Variants in MRPL32 observed in about 807,000 individuals in gnomAD.
The protein encoded by MRPL32 is mitochondrial ribosomal protein L32.
Under a neutral mutation model 21.7 loss-of-function variants are expected in MRPL32, and 14 were observed. The observed-to-expected ratio is 0.64, with a 90% CI of 0.43 to 1.01. The LOEUF (loss-of-function observed/expected upper bound fraction) is 1.01. MRPL32 is among the 50% of genes least tolerant of loss of function. MRPL32 has a pLI of 0.00. For synonymous variants in MRPL32, 83 were observed against 87.7 expected (o/e 0.95, Z 0.30); for missense variants, 211 against 235.9 (o/e 0.89, Z 0.69).
chr7:42,932,547 G>T, intron 1 of MRPL32, 31 bp downstream of exon 1: 1 of 1,568,178 alleles, frequency 6.4e-7, no homozygotes, highest in Non-Finnish European at 8.7e-7. Context: ...TGGGAGAGGG[G>T]GCTGATGACG....
intron 1 of MRPL32, among the ~76,000 whole-genome samples, chr7:42,933,155 C>T (rs1786360389): frequency 6.6e-6 from 1 of 152,124 alleles, no homozygotes; most frequent in Non-Finnish European, 1.5e-5. Flanking sequence ...TATGCCCTTT[C>T]CAGGAAATGC....
chr7:42,936,108 G>A (rs546888152), intron 2 of MRPL32: 23 of 152,278 alleles, frequency 1.5e-4, no homozygotes, highest in African/African-American at 5.5e-4. Flanking sequence ...TTGAGTGATG[G>A]TTGGGGCTGA....
Position 42,935,125 on chromosome 7 carries a change from A to C in MRPL32, c.301A>C (p.Ile101Leu). Residue 101 changes from isoleucine (I) to leucine (L), a missense_variant, in exon 2 of 3, where the codon ATT becomes CTT. By Grantham distance (5) the Ile-to-Leu change is conservative. Around this residue, in one of 2 missense-constraint regions of MRPL32, gnomAD observed 130 missense variants for 180.1 expected, o/e 0.72. Transcript: ENST00000223324. ...RCRRRNPQKLIKVKNNIDVCP... is the reference protein window; with the variant it reads ...RCRRRNPQKLLKVKNNIDVCP... ...TAGGAGAAGAAATCCGCAGAAGCTT[A>C]TTAAAGTTAAGGTAATGCATTGATT... 6.2e-7 allele frequency: 1 copy of C among 1,611,054 alleles called. No individual in the cohort carries two copies. Among genetic ancestry groups the C allele is most frequent in the Non-Finnish European group, 8.5e-7 (1 of 1,179,056 alleles).
At chr7:42,934,428 C>G (rs2128675997) in intron 1 of MRPL32, among the ~76,000 whole-genome samples, 1 of 152,090 alleles carries the variant, frequency 6.6e-6, no homozygotes, top group South Asian at 2.1e-4. Flanking sequence ...AGAGAGCAGA[C>G]AGGAATCAAG....
At chr7:42,933,073 C>T (rs1232840050) in intron 1 of MRPL32, among the ~76,000 whole-genome samples, 2 of 152,062 alleles carry the variant, frequency 1.3e-5, no homozygotes, top group Non-Finnish European at 2.9e-5. Context: ...GATTAGATTT[C>T]GAAGGAATGG....
Position 42,933,240 on chromosome 7 carries a change from C to T in MRPL32, c.130+724C>T, listed in dbSNP as rs111749842. ...AGGAAATTTTCCAGGCAGCGTTGAG[C>T]TTTCTCAGGCAGGCACTTTAAAGGG... On this transcript the variant is annotated intron_variant, in intron 1 of 2. Transcript: ENST00000223324. Among the ~76,000 whole-genome samples, 484 of 152,226 alleles carry T rather than the reference C, an allele frequency of 3.2e-3. 7 individuals carry two copies. The highest frequency in any genetic ancestry group is 0.011 in the African/African-American group (465 of 41,540).
At chr7:42,936,624 T>C (rs1786428312) in intron 2 of MRPL32, 1 of 151,016 alleles carries the variant, frequency 6.6e-6, no homozygotes, top group Non-Finnish European at 1.5e-5. Flanking sequence ...ATAAATCTTT[T>C]AGAGGTTATA....
At chr7:42,935,183 T>C (rs745500812) in intron 2 of MRPL32, 47 bp downstream of exon 2, 4 of 1,503,064 alleles carry the variant, frequency 2.7e-6, no homozygotes, top group Non-Finnish European at 1.8e-6. Context: ...AGTCCTCCAT[T>C]GAATAAGCTC....
At chr7:42,934,862 G>A in intron 1 of MRPL32, 93 bp from the exon 2 acceptor site, 1 of 966,730 alleles carries the variant, frequency 1.0e-6, no homozygotes, top group East Asian at 2.6e-5. Context: ...GTGTGTGTAT[G>A]TTTGACCATT....
rs375285399 is a variant in MRPL32, at chr7:42,932,402, C to T, written c.16C>T (p.Leu6=). 7.5e-6 allele frequency: 12 copies of T among 1,609,886 alleles called. No homozygotes were observed. In the East Asian group the frequency reaches 2.2e-4, roughly 30 times the overall value. ...AGCAGGGAAAATGGCGCTGGCCATG[C>T]TGGTCTTGGTGGTTTCGCCGTGGTC... is the stretch of plus-strand genomic sequence containing the variant. MALAM[L]VLVVSPWSAA... Residue 6 remains leucine, a synonymous_variant, in exon 1 of 3, where the codon CTG becomes TTG. Transcript: ENST00000223324.
In MRPL32 at chr7:42,937,678, T is replaced by A; in HGVS notation, c.*102T>A. 1.6e-6 allele frequency: 2 copies of A among 1,213,488 alleles called. No individual in the cohort carries two copies. The highest frequency in any genetic ancestry group is 2.2e-6 in the Non-Finnish European group (2 of 889,718). 75.2% of individuals were successfully genotyped at this position (1,213,488 alleles called of 1,614,324 possible). The stretch of plus-strand genomic sequence containing the variant: ...GCTTGTTTTTAAATCATCAGTATAG[T>A]TTAACACATTCTTTCTAAGCAGTTT... On this transcript the variant is annotated 3_prime_UTR_variant, in exon 3 of 3. Coordinates refer to ENST00000223324, the MANE Select transcript of MRPL32 (RefSeq NM_031903.3).
intron 1 of MRPL32, among the ~76,000 whole-genome samples, chr7:42,933,005 TAGGG>T (rs1786356612): frequency 6.6e-6 from 1 of 152,108 alleles, no homozygotes. Flanking sequence ...GCAGTTGTCT[TAGGG>T]AGAATTCTAT....
chr7:42,934,282 A>G (rs1341674960), intron 1 of MRPL32, among the ~76,000 whole-genome samples: 1 of 151,938 alleles, frequency 6.6e-6, no homozygotes, highest in African/African-American at 2.4e-5. Flanking sequence ...AAAAAAAAAA[A>G]AAGTATGGCA....
In MRPL32 at chr7:42,935,014, G is replaced by A. The variant is rs1279771627; in HGVS notation, c.190G>A (p.Gly64Arg). Residue 64 changes from glycine (G) to arginine (R), a missense_variant, in exon 2 of 3, where the codon GGA becomes AGA. Coordinates refer to ENST00000223324, the MANE Select transcript of MRPL32 (RefSeq NM_031903.3). ...TACAGAGCCAGCAAATGATACCAGT[G>A]GAAGTAAAGAGAATTCCAGCCTTTT... is the stretch of plus-strand genomic sequence containing the variant. ...MFTEPANDTS[G>R]SKENSSLLDS... The A allele has an allele frequency of 6.2e-7, 1 of 1,613,996 alleles. No homozygotes were observed. The highest frequency in any genetic ancestry group is 8.5e-7 in the Non-Finnish European group (1 of 1,179,976).
At chr7:42,935,281 A>C in intron 2 of MRPL32, 145 bp downstream of exon 2, 3 of 653,626 alleles carry the variant, frequency 4.6e-6, no homozygotes, top group Non-Finnish European at 7.7e-6. Flanking sequence ...CAGTATTCTC[A>C]TTATATACAT....
At position 42,932,506 on chromosome 7, in the gene MRPL32, T is replaced by G. The variant is rs1292416439; in HGVS notation, c.120T>G (p.Ser40Arg). The G allele has an allele frequency of 9.3e-6, 15 of 1,604,338 alleles. No homozygotes were observed. Among genetic ancestry groups the G allele is most frequent in the Non-Finnish European group, 1.2e-5 (14 of 1,173,342 alleles). ...KLPQSRPGFPSPPWGPALAVQ... is the reference protein window; with the variant it reads ...KLPQSRPGFPRPPWGPALAVQ... Reference sequence around the variant, plus strand: ...CGCAGAGCCGGCCGGGCTTTCCCAGTCCTCCGTGGGGTAGGTAAAGAAGGG... The same window carrying G: ...CGCAGAGCCGGCCGGGCTTTCCCAGGCCTCCGTGGGGTAGGTAAAGAAGGG... Residue 40 changes from serine to arginine, a missense_variant, in exon 1 of 3, where the codon AGT (serine) becomes AGG (arginine). Ser to Arg is a moderately radical substitution (Grantham distance 110). Coordinates refer to ENST00000223324, the MANE Select transcript of MRPL32 (RefSeq NM_031903.3).
intron 1 of MRPL32, among the ~76,000 whole-genome samples, chr7:42,933,976 AG>A (rs1168345627): frequency 1.3e-5 from 2 of 152,180 alleles, no homozygotes; most frequent in African/African-American, 2.4e-5. Context: ...TAAGATCAAA[AG>A]AAGTATGTGG....
chr7:42,935,903 A>G (rs1386282428), intron 2 of MRPL32: 1 of 152,160 alleles, frequency 6.6e-6, no homozygotes, highest in Non-Finnish European at 1.5e-5. Context: ...TGATCTAGTA[A>G]AGAAAAATTA....
rs917721392 is a variant in MRPL32 at position 42,937,765 on chromosome 7, G to T, written c.*189G>T. 2.0e-6 allele frequency: 1 copy of T among 495,208 alleles called. No individual in the cohort carries two copies. The allele number at this position is 495,208 out of a possible 1,614,324, so 30.7% of individuals were successfully genotyped here. ...CTCCGAAAATTTTGTTTATCCAAAGGCTCAATGGATTATGTTTCTATTATA... is the reference window on the plus strand; with the variant it reads ...CTCCGAAAATTTTGTTTATCCAAAGTCTCAATGGATTATGTTTCTATTATA... On this transcript the variant is annotated 3_prime_UTR_variant, in exon 3 of 3. Coordinates refer to ENST00000223324, the MANE Select transcript of MRPL32 (RefSeq NM_031903.3).
Sources: gnomAD v4.1 joint callset for allele counts (sites outside exome capture counted in the v4.1 genomes callset) on GRCh38, gnomAD v4.1.1 for gene constraint, gnomAD v4.1.1 regional missense constraint, MANE v1.5 for transcripts, NCBI Gene and HGNC (gene_info 2026-07-23, HGNC 2026-07-21) for gene names.